Variants in UBASH3B observed in about 807,000 individuals in gnomAD.
UBASH3B encodes the protein ubiquitin associated and SH3 domain containing B, also known as ubiquitin-associated and SH3 domain-containing protein B.
A neutral mutation model predicts 83.4 loss-of-function variants in UBASH3B; 37 were observed. That is an observed-to-expected ratio of 0.44 (90% CI 0.34 to 0.58). The LOEUF is 0.58. Ranked by LOEUF, UBASH3B falls within the 20% of genes least tolerant of loss-of-function variation. The pLI is 0.01. For synonymous variants in UBASH3B, 304 were observed against 318.3 expected (o/e 0.96, Z 0.48); for missense variants, 657 against 827.2 (o/e 0.79, Z 2.52).
chr11:122,696,241 C>T (rs1346577387), intron 1 of UBASH3B, among the ~76,000 whole-genome samples: 2 of 151,822 alleles, frequency 1.3e-5, no homozygotes, highest in Admixed American at 6.6e-5. Context: ...TGAGCTACTG[C>T]GCCCGGCCCC....
intron 1 of UBASH3B, among the ~76,000 whole-genome samples, chr11:122,679,803 T>C (rs756136888): frequency 1.3e-5 from 2 of 152,154 alleles, no homozygotes; most frequent in Non-Finnish European, 2.9e-5. Flanking sequence ...TCACAACATG[T>C]CATTCTTCTT....
At chr11:122,772,740 T>C (rs1591806994) in intron 1 of UBASH3B, among the ~76,000 whole-genome samples, 1 of 152,200 alleles carries the variant, frequency 6.6e-6, no homozygotes, top group Non-Finnish European at 1.5e-5. Flanking sequence ...TTCCCTCCCC[T>C]GTGGGAAGGA....
chr11:122,768,496 G>A (rs1860590304), intron 1 of UBASH3B, among the ~76,000 whole-genome samples: 1 of 135,352 alleles, frequency 7.4e-6, no homozygotes, highest in African/African-American at 2.8e-5. Context: ...GTGTGTGTGT[G>A]TGTGTGTGTG....
At chr11:122,678,149 A>G (rs1863691591) in intron 1 of UBASH3B, among the ~76,000 whole-genome samples, 1 of 152,204 alleles carries the variant, frequency 6.6e-6, no homozygotes, top group Non-Finnish European at 1.5e-5. Context: ...CAAAGGCCCC[A>G]TCTTCAAATA....
At chr11:122,714,500 C>T (rs978794508) in intron 1 of UBASH3B, among the ~76,000 whole-genome samples, 1 of 152,208 alleles carries the variant, frequency 6.6e-6, no homozygotes, top group Non-Finnish European at 1.5e-5. Flanking sequence ...GAGAGGCAGA[C>T]CTCTTTTTCC....
chr11:122,668,910 C>G (rs1336641448), intron 1 of UBASH3B, among the ~76,000 whole-genome samples: 2 of 152,110 alleles, frequency 1.3e-5, no homozygotes. Flanking sequence ...GAGGCTAATT[C>G]CGTCAGCGTG....
At chr11:122,683,837 A>G (rs1002818264) in intron 1 of UBASH3B, among the ~76,000 whole-genome samples, 3 of 151,528 alleles carry the variant, frequency 2.0e-5, no homozygotes, top group African/African-American at 7.3e-5. Flanking sequence ...TAGTGTAGTT[A>G]GCTTCCCTGC....
Position 122,806,352 on chromosome 11 carries a change from C to T in UBASH3B, c.1596-58C>T. On this transcript the variant is annotated intron_variant, in intron 11 of 13. Transcript: ENST00000284273. This position sits in a 1 kb window ranked among gnomAD's most constrained non-coding sequence, Gnocchi z 4.0. ...TTGAAATAAAAGTTTAGAGTGATAT[C>T]TTCCTTTGTCTCAAGATCAAAATGT... 2 of 1,425,566 alleles carry T rather than the reference C, an allele frequency of 1.4e-6. No homozygotes were observed. The highest frequency in any genetic ancestry group is 2.6e-5 in the South Asian group (2 of 77,640). 88.3% of individuals were successfully genotyped at this position (1,425,566 alleles called of 1,614,324 possible). A position where few individuals can be genotyped will look rare whatever the true frequency, so the allele number is the denominator to read the frequency against.
chr11:122,691,387 C>A (rs1039606479), intron 1 of UBASH3B, among the ~76,000 whole-genome samples: 1 of 152,220 alleles, frequency 6.6e-6, no homozygotes, highest in Non-Finnish European at 1.5e-5. Flanking sequence ...AGCAGCATTT[C>A]TCTGACTTCC....
chr11:122,744,923 G>A (rs549688679), intron 1 of UBASH3B, among the ~76,000 whole-genome samples: 5 of 144,956 alleles, frequency 3.4e-5, no homozygotes, highest in South Asian at 2.1e-4. Flanking sequence ...ACTTGGGCAC[G>A]TGAGTGTGCC....
chr11:122,715,230 C>G (rs1860498828), intron 1 of UBASH3B, among the ~76,000 whole-genome samples: 3 of 152,054 alleles, frequency 2.0e-5, no homozygotes, highest in Non-Finnish European at 4.4e-5. Flanking sequence ...CAGGCATGAG[C>G]CACTGCGCCC....
At chr11:122,796,589 G>A (rs1044324460) in intron 8 of UBASH3B, among the ~76,000 whole-genome samples, 5 of 152,182 alleles carry the variant, frequency 3.3e-5, no homozygotes, top group East Asian at 1.9e-4. Flanking sequence ...TCCCTGGCTC[G>A]CTCGGTTCCA....
intron 11 of UBASH3B, among the ~76,000 whole-genome samples, chr11:122,801,935 C>T (rs565251746): frequency 6.6e-6 from 1 of 152,162 alleles, no homozygotes; most frequent in Non-Finnish European, 1.5e-5. Context: ...TGTTCCTTTC[C>T]TTTTTCCATT....
At chr11:122,712,185 G>T (rs1255027870) in intron 1 of UBASH3B, among the ~76,000 whole-genome samples, 1 of 152,220 alleles carries the variant, frequency 6.6e-6, no homozygotes, top group African/African-American at 2.4e-5. Context: ...CCAGGAGCAA[G>T]TGCCAAAGTC....
intron 1 of UBASH3B, 86 bp from the exon 2 acceptor site, chr11:122,776,133 T>C: frequency 8.1e-7 from 1 of 1,233,570 alleles, no homozygotes; most frequent in Middle Eastern, 1.9e-4. Flanking sequence ...CAGGCTTTGA[T>C]GTCGCCTCCT....
chr11:122,796,824 T>TG lies in UBASH3B; in HGVS notation c.1235-82dup, dbSNP rs1861164880. 7.0e-6 allele frequency: 11 copies of TG among 1,579,624 alleles called. No homozygotes were observed. The East Asian group carries it at 2.2e-4, about 32-fold the overall frequency. On this transcript the variant is annotated intron_variant, in intron 8 of 13. Transcript: ENST00000284273. ...TGTGATCTCTTTGGCCAAGAAGGAA[T>TG]GGGGGTGGAGAGTGTCAGGATCAGT...
At chr11:122,792,772 C>T (rs372947167) in intron 6 of UBASH3B, among the ~76,000 whole-genome samples, 3 of 152,200 alleles carry the variant, frequency 2.0e-5, no homozygotes, top group African/African-American at 4.8e-5. Context: ...TGGCAACATA[C>T]GCAGATGGAC....
At chr11:122,754,719 C>G (rs1861255892) in intron 1 of UBASH3B, among the ~76,000 whole-genome samples, 1 of 152,154 alleles carries the variant, frequency 6.6e-6, no homozygotes, top group Non-Finnish European at 1.5e-5. Context: ...GGAAACCGCC[C>G]AACTTCCTCC....
Position 122,812,258 on chromosome 11 carries a change from A to C in UBASH3B, c.*2372A>C, listed in dbSNP as rs938392935. Reference sequence around the variant, plus strand: ...CTTTCATTTCAATTTCATTATTTCAAATTGCTTGTCAAAATGGCCCAAAAG... The same window carrying C: ...CTTTCATTTCAATTTCATTATTTCACATTGCTTGTCAAAATGGCCCAAAAG... On this transcript the variant is annotated 3_prime_UTR_variant, in exon 14 of 14. Coordinates refer to ENST00000284273, the MANE Select transcript of UBASH3B (RefSeq NM_032873.5). 6.6e-6 allele frequency: 1 copy of C among 152,242 alleles called. No individual in the cohort carries two copies. Among genetic ancestry groups the C allele is most frequent in the African/African-American group, 2.4e-5 (1 of 41,466 alleles). 9.4% of individuals were successfully genotyped at this position (152,242 alleles called of 1,614,324 possible).
Sources: allele counts gnomAD v4.1 joint callset (sites outside exome capture counted in the v4.1 genomes callset), GRCh38; gene constraint gnomAD v4.1.1; non-coding constraint Gnocchi (gnomAD v3.1); transcripts MANE v1.5; gene names NCBI Gene and HGNC (gene_info 2026-07-23, HGNC 2026-07-21).